The following OR52I2 variants were observed in gnomAD, a reference collection of about 807,000 sequenced individuals.
OR52I2 encodes the protein olfactory receptor family 52 subfamily I member 2.
For missense variants in OR52I2, 350 were observed against 402.4 expected (o/e 0.87, Z 1.11); for synonymous variants, 147 against 151.9 (o/e 0.97, Z 0.24).
exon 2 of OR52I2, chr11:4,587,739 C>A (rs139021329): frequency 6.2e-7 from 1 of 1,614,020 alleles, no homozygotes; most frequent in Non-Finnish European, 8.5e-7. Context: ...TGCTAGCTGA[C>A]CTGTACGTGA....
At chr11:4,588,309 A>G (rs1488643383) in exon 2 of OR52I2, 1 of 166,438 alleles carries the variant, frequency 6.0e-6, no homozygotes, top group East Asian at 1.7e-4. Context: ...TCATACTTCC[A>G]AATAGTTATC....
exon 2 of OR52I2, chr11:4,589,236 T>C (rs1846333024): frequency 6.6e-6 from 1 of 152,150 alleles, no homozygotes; most frequent in Non-Finnish European, 1.5e-5. Context: ...GATGATTGAG[T>C]ATCCAGAGGG....
chr11:4,591,335 T>C (rs866633965), exon 2 of OR52I2: 14 of 152,314 alleles, frequency 9.2e-5, no homozygotes, highest in Middle Eastern at 3.4e-3. Flanking sequence ...AGTCCTTTTT[T>C]TCAGGAGAGG....
chr11:4,590,223 T>C (rs1846340568), exon 2 of OR52I2: 3 of 152,212 alleles, frequency 2.0e-5, no homozygotes, highest in African/African-American at 7.2e-5. Context: ...ATTCATAGTG[T>C]TTTAAAAAGT....
chr11:4,585,860 T>C (rs1846296029), intron 1 of OR52I2, among the ~76,000 whole-genome samples: 1 of 152,212 alleles, frequency 6.6e-6, no homozygotes, highest in African/African-American at 2.4e-5. Flanking sequence ...TGATCTATTT[T>C]ACAAATGAAG....
At chr11:4,584,245 T>C in intron 1 of OR52I2, among the ~76,000 whole-genome samples, 1 of 152,220 alleles carries the variant, frequency 6.6e-6, no homozygotes, top group South Asian at 2.1e-4. Flanking sequence ...TTGGGCTATA[T>C]ATGACTACTG....
exon 2 of OR52I2, chr11:4,592,061 G>C (rs1411329196): frequency 2.0e-5 from 3 of 152,144 alleles, no homozygotes; most frequent in Admixed American, 2.0e-4. Context: ...TGTAAATGTG[G>C]TCTTCAAATC....
At chr11:4,581,843 G>GAAT (rs1184672367) in exon 1 of OR52I2, 1 of 152,242 alleles carries the variant, frequency 6.6e-6, no homozygotes, top group Non-Finnish European at 1.5e-5. Flanking sequence ...AGGGAAAGTT[G>GAAT]AATAGAGAAG....
At chr11:4,584,452 C>A (rs57567960) in intron 1 of OR52I2, among the ~76,000 whole-genome samples, 2,262 of 152,154 alleles carry the variant, frequency 0.015, 34 homozygotes, top group African/African-American at 0.04. Flanking sequence ...GATCTAATGG[C>A]AATAGGAAAA....
chr11:4,590,819 G>C (rs1234951701), exon 2 of OR52I2: 1 of 152,160 alleles, frequency 6.6e-6, no homozygotes, highest in Admixed American at 6.5e-5. Flanking sequence ...GTCTTCTCAT[G>C]ATCTATCACT....
At position 4,587,476 on chromosome 11, in the gene OR52I2, C is replaced by A. The variant is rs757532657; in HGVS notation, c.586C>A (p.Pro196Thr). The A allele has an allele frequency of 8.6e-5, 139 of 1,614,042 alleles. No homozygotes were observed. Among genetic ancestry groups the A allele is most frequent in the Admixed American group, 7.5e-4 (45 of 60,004 alleles). The stretch of plus-strand genomic sequence containing the variant: ...TTTGGCCAGGTTAGCATGTGCTGAC[C>A]CCGTGCCCAGCAGTCTCTACAGTCT... The change falls in exon 2 of 2, where the codon CCC becomes ACC. Residue 196 changes from proline (P) to threonine (T), a missense_variant. Coordinates refer to ENST00000641896, the Ensembl canonical transcript of OR52I2.
At chr11:4,592,512 C>T (rs1443403850) in exon 2 of OR52I2, 1 of 152,094 alleles carries the variant, frequency 6.6e-6, no homozygotes, top group Non-Finnish European at 1.5e-5. Flanking sequence ...AGAAGATTAA[C>T]CAATGTCTCC....
chr11:4,591,732 C>T (rs1051715702), exon 2 of OR52I2: 1 of 152,160 alleles, frequency 6.6e-6, no homozygotes, highest in Non-Finnish European at 1.5e-5. Flanking sequence ...TATCCTTAAT[C>T]TGAATTCAGT....
At chr11:4,582,879 C>A (rs1357183008) in intron 1 of OR52I2, among the ~76,000 whole-genome samples, 1 of 152,144 alleles carries the variant, frequency 6.6e-6, no homozygotes, top group African/African-American at 2.4e-5. Flanking sequence ...GTATGCCTTA[C>A]CAGCCTGAGA....
exon 2 of OR52I2, chr11:4,590,357 A>C (rs1425134114): frequency 6.6e-6 from 1 of 152,244 alleles, no homozygotes; most frequent in Non-Finnish European, 1.5e-5. Flanking sequence ...AATCTTAGCC[A>C]AACAATGTTC....
intron 1 of OR52I2, among the ~76,000 whole-genome samples, chr11:4,582,404 A>T (rs1846263673): frequency 7.2e-6 from 1 of 139,116 alleles, no homozygotes; most frequent in Non-Finnish European, 1.6e-5. Flanking sequence ...ACATTAAGAA[A>T]CTTTTTATTT....
chr11:4,592,440 C>A (rs1186659699), exon 2 of OR52I2: 1 of 152,088 alleles, frequency 6.6e-6, no homozygotes, highest in Admixed American at 6.6e-5. Context: ...GAGTAGGGTA[C>A]ACAAAAGTAT....
exon 2 of OR52I2, chr11:4,588,444 G>A (rs1246119543): frequency 6.4e-6 from 1 of 156,044 alleles, no homozygotes; most frequent in Non-Finnish European, 1.4e-5. Context: ...TTTAAAACAT[G>A]GCCCCATGCA....
chr11:4,586,080 T>C (rs1846298247), intron 1 of OR52I2, among the ~76,000 whole-genome samples: 1 of 152,242 alleles, frequency 6.6e-6, no homozygotes, highest in Admixed American at 6.5e-5. Context: ...GTTTTCTTTG[T>C]AGTATTTTAA....
Sources: allele counts gnomAD v4.1 joint callset (sites outside exome capture counted in the v4.1 genomes callset), GRCh38; gene constraint gnomAD v4.1.1; transcripts MANE v1.5; gene names NCBI Gene and HGNC (gene_info 2026-07-23, HGNC 2026-07-21).